The following DYNC2H1 variants were observed in gnomAD, a reference collection of about 807,000 sequenced individuals.
The protein encoded by DYNC2H1 is dynein cytoplasmic 2 heavy chain 1.
Under a neutral mutation model 570.0 loss-of-function variants are expected in DYNC2H1, and 410 were observed. The ratio of observed to expected loss-of-function variants is 0.72; its 90% confidence interval spans 0.66 to 0.78. The LOEUF (loss-of-function observed/expected upper bound fraction) is 0.78. Among genes scored for constraint, DYNC2H1 ranks in the 30% least tolerant of loss-of-function variants. DYNC2H1 has a pLI of 0.00. For synonymous variants in DYNC2H1, 1,688 were observed against 1,677.6 expected (o/e 1.01, Z -0.15); for missense variants, 4,865 against 5,046.4 (o/e 0.96, Z 1.09).
chr11:103,423,033 C>A (rs1943541209), intron 84 of DYNC2H1, among the ~76,000 whole-genome samples: 1 of 147,674 alleles, frequency 6.8e-6, no homozygotes, highest in Non-Finnish European at 1.5e-5. Flanking sequence ...TGCAAAAATG[C>A]AAAGGGTCTA....
chr11:103,388,240 T>C (rs12287941), intron 83 of DYNC2H1, among the ~76,000 whole-genome samples: 1 of 150,384 alleles, frequency 6.6e-6, no homozygotes, highest in Non-Finnish European at 1.5e-5. Context: ...GTTGGATTCC[T>C]AGGTATTTTA....
intron 28 of DYNC2H1, among the ~76,000 whole-genome samples, chr11:103,160,645 A>T (rs1386304176): frequency 2.0e-5 from 3 of 152,052 alleles, no homozygotes; most frequent in Non-Finnish European, 4.4e-5. Context: ...CATATATAGA[A>T]ATATCTAAAT....
In DYNC2H1 at chr11:103,181,628, A is replaced by G. The variant is rs1279269383; in HGVS notation, c.6348-129A>G. The stretch of plus-strand genomic sequence containing the variant: ...CACACATACTCATAGTAAAGTAACT[A>G]AAGCCACCTTTTGTATGCTAGCAGA... On this transcript the variant is annotated intron_variant, in intron 39 of 88. Transcript: ENST00000375735. This position sits in a 1 kb window ranked among gnomAD's most constrained non-coding sequence, Gnocchi z 5.0. The G allele has an allele frequency of 1.0e-6, 1 of 959,772 alleles. No homozygotes were observed. The highest frequency in any genetic ancestry group is 1.7e-5 in the African/African-American group (1 of 59,820). 59.5% of individuals were successfully genotyped at this position (959,772 alleles called of 1,614,324 possible).
In DYNC2H1 at chr11:103,191,520, C is replaced by T. The variant is rs537704873; in HGVS notation, c.7441C>T (p.Arg2481Ter). 28 of 1,599,040 alleles carry T rather than the reference C, an allele frequency of 1.8e-5. 1 individual carries two copies. The highest frequency in any genetic ancestry group is 2.3e-5 in the South Asian group (2 of 88,654). Residue 2481 changes from arginine (R) to a stop codon, truncating the protein, a stop_gained, in exon 46 of 89, where the codon CGA (arginine) becomes TGA (stop). Transcript: ENST00000375735. LOFTEE classifies it high-confidence loss of function. ...GSMVQVYEQV[R>*]AKFTVDDYSH... is the part of the protein sequence containing the mutation. ...TTTACTGTATTTTCTTTTTCAGGTG[C>T]GAGCCAAATTTACAGTTGATGATTA...
chr11:103,112,046 A>G (rs535645201), intron 1 of DYNC2H1, among the ~76,000 whole-genome samples: 1 of 152,332 alleles, frequency 6.6e-6, no homozygotes, highest in African/African-American at 2.4e-5. Flanking sequence ...GTGATGGGGC[A>G]GCGTGGGGAA....
intron 83 of DYNC2H1, among the ~76,000 whole-genome samples, chr11:103,371,129 C>G (rs1941128286): frequency 6.6e-6 from 1 of 151,954 alleles, no homozygotes; most frequent in Non-Finnish European, 1.5e-5. Context: ...TAAAAAGAAT[C>G]AGGCAGAAAT....
chr11:103,455,748 G>A (rs1944765789), intron 86 of DYNC2H1, among the ~76,000 whole-genome samples: 1 of 152,110 alleles, frequency 6.6e-6, no homozygotes, highest in Admixed American at 6.6e-5. Flanking sequence ...GGACAGTGCT[G>A]ACTAGGCTCC....
intron 84 of DYNC2H1, among the ~76,000 whole-genome samples, chr11:103,415,749 T>G (rs1380995929): frequency 6.6e-6 from 1 of 152,210 alleles, no homozygotes; most frequent in Non-Finnish European, 1.5e-5. Context: ...TGGCGATTCC[T>G]CAAGGATCTG....
rs1685834 is a variant in DYNC2H1 at position 103,264,876 on chromosome 11, T to A, written c.10695+4899T>A. Among the ~76,000 whole-genome samples the A allele has an allele frequency of 0.4, 61,015 of 151,902 alleles. 12,536 individuals are homozygous for A. Among genetic ancestry groups the A allele is most frequent in the African/African-American group, 0.47 (19,522 of 41,388 alleles). On this transcript the variant is annotated intron_variant, in intron 70 of 88. Coordinates refer to ENST00000375735, the MANE Select transcript of DYNC2H1 (RefSeq NM_001377.3). This position sits in a 1 kb window ranked among gnomAD's most constrained non-coding sequence, Gnocchi z 4.8. ...ACTGGAAGTTCTGGCCAGGGCAAAG[T>A]GGCAAGAGAAAGAAATAAAGGGTAT...
chr11:103,439,097 C>T lies in DYNC2H1; in HGVS notation c.12456+3065C>T, dbSNP rs1225593523. Among the ~76,000 whole-genome samples the T allele has an allele frequency of 6.6e-6, 1 of 152,058 alleles. No individual in the cohort carries two copies. Among genetic ancestry groups the T allele is most frequent in the Non-Finnish European group, 1.5e-5 (1 of 67,994 alleles). ...TACATCTTGTTCTCCAGGAACTATCCTTACAACTTATCAGAAAGATAGAAC... is the reference window on the plus strand; with the variant it reads ...TACATCTTGTTCTCCAGGAACTATCTTTACAACTTATCAGAAAGATAGAAC... On this transcript the variant is annotated intron_variant, in intron 85 of 88. Transcript: ENST00000375735. This position sits in a 1 kb window ranked among gnomAD's most constrained non-coding sequence, Gnocchi z 4.1.
At chr11:103,259,055 T>A (rs1375188869) in intron 69 of DYNC2H1, among the ~76,000 whole-genome samples, 1 of 152,230 alleles carries the variant, frequency 6.6e-6, no homozygotes, top group Admixed American at 6.5e-5. Flanking sequence ...TATACCAATT[T>A]CACACATTTC....
chr11:103,230,043 G>T (rs1026439839), intron 59 of DYNC2H1, among the ~76,000 whole-genome samples: 1 of 152,158 alleles, frequency 6.6e-6, no homozygotes, highest in African/African-American at 2.4e-5. Flanking sequence ...GATATATTGA[G>T]GGGGAGGGGA....
At chr11:103,327,019 A>G (rs553966563) in intron 82 of DYNC2H1, among the ~76,000 whole-genome samples, 1 of 152,296 alleles carries the variant, frequency 6.6e-6, no homozygotes, top group East Asian at 1.9e-4. Flanking sequence ...CATAGGTCCA[A>G]GGTGAGGGTG....
At chr11:103,152,989 C>A (rs1232751212) in intron 21 of DYNC2H1, among the ~76,000 whole-genome samples, 2 of 152,132 alleles carry the variant, frequency 1.3e-5, no homozygotes, top group East Asian at 3.9e-4. Flanking sequence ...AATCAGCAGT[C>A]ATCAAACAAA....
At position 103,120,960 on chromosome 11, in the gene DYNC2H1, A is replaced by G. The variant is rs1479904106; in HGVS notation, c.1284A>G (p.Val428=). 1.3e-6 allele frequency: 2 copies of G among 1,566,250 alleles called. No individual in the cohort carries two copies. Among genetic ancestry groups the G allele is most frequent in the East Asian group, 2.3e-5 (1 of 43,266 alleles). Residue 428 remains valine, a synonymous_variant, in exon 9 of 89, where the codon GTA becomes GTG. Transcript: ENST00000375735. ...CATTCCTGAAATATAAAGAGTTGGTAAAGCGTCCAACTATAAGCAAAGAAT... is the reference window on the plus strand; with the variant it reads ...CATTCCTGAAATATAAAGAGTTGGTGAAGCGTCCAACTATAAGCAAAGAAT... ...LQAFLKYKEL[V]KRPTISKELM...
chr11:103,417,069 A>G (rs2458646), intron 84 of DYNC2H1, among the ~76,000 whole-genome samples: 47,981 of 152,024 alleles, frequency 0.32, 7,602 homozygotes, highest in African/African-American at 0.35. Context: ...AATCAAAACC[A>G]CAATGAGATA....
In DYNC2H1 at chr11:103,241,597, A is replaced by G; in HGVS notation, c.9820-2096A>G. 1 of 1,461,446 alleles carries G rather than the reference A, an allele frequency of 6.8e-7. No homozygotes were observed. The highest frequency in any genetic ancestry group is 9.4e-7 in the Non-Finnish European group (1 of 1,063,242). The allele number at this position is 1,461,446 out of a possible 1,614,324, so 90.5% of individuals were successfully genotyped here. On this transcript the variant is annotated intron_variant, in intron 63 of 88. Coordinates refer to ENST00000375735, the MANE Select transcript of DYNC2H1 (RefSeq NM_001377.3). This position sits in a 1 kb window ranked among gnomAD's most constrained non-coding sequence, Gnocchi z 5.1. ...ATAATTACTTTTGTAGTTAGGCAAA[A>G]TGCAGAATTGTGAAATGTGTGCTAT...
At chr11:103,221,842 C>G (rs1262808575) in intron 57 of DYNC2H1, among the ~76,000 whole-genome samples, 188 bp from the exon 58 acceptor site, 1 of 152,032 alleles carries the variant, frequency 6.6e-6, no homozygotes, top group Non-Finnish European at 1.5e-5. Flanking sequence ...GGTGACAGAG[C>G]GAGACTCTGT....
intron 17 of DYNC2H1, among the ~76,000 whole-genome samples, chr11:103,141,830 G>A (rs988636260): frequency 1.3e-5 from 2 of 152,242 alleles, no homozygotes; most frequent in African/African-American, 2.4e-5. Flanking sequence ...ACAGAGGCAG[G>A]CAGGCCTCCT....
Sources: gnomAD v4.1 joint callset for allele counts (sites outside exome capture counted in the v4.1 genomes callset) on GRCh38, gnomAD v4.1.1 for gene constraint, Gnocchi (gnomAD v3.1) non-coding constraint, MANE v1.5 for transcripts, NCBI Gene and HGNC (gene_info 2026-07-23, HGNC 2026-07-21) for gene names.